XKR6: variants seen among roughly 807,000 people sequenced by gnomAD.
XKR6 encodes the protein XK related 6.
In XKR6, 22 loss-of-function variants were observed where a neutral mutation model predicts 56.7. That is an observed-to-expected ratio of 0.39 (90% confidence interval 0.28 to 0.55). The LOEUF (loss-of-function observed/expected upper bound fraction) is 0.55. XKR6 is among the 20% of genes least tolerant of loss of function. XKR6 has a pLI of 0.66. For missense variants in XKR6, 852 were observed against 889.0 expected, an observed-to-expected ratio of 0.96 and a Z score of 0.53; for synonymous variants, 524 against 387.8, an observed-to-expected ratio of 1.35 and a Z score of -4.13.
chr8:11,161,743 ACTTT>A (rs1441782607), intron 1 of XKR6, among the ~76,000 whole-genome samples: 1 of 152,148 alleles, frequency 6.6e-6, no homozygotes, highest in African/African-American at 2.4e-5. Context: ...TATCACAGAA[ACTTT>A]CTTATTATTG....
intron 1 of XKR6, among the ~76,000 whole-genome samples, chr8:11,133,146 G>C (rs922141902): frequency 1.3e-5 from 2 of 152,116 alleles, no homozygotes; most frequent in African/African-American, 4.8e-5. Flanking sequence ...GTGGGTACGA[G>C]GAATTGAAAC....
At chr8:11,150,324 C>T (rs907476806) in intron 1 of XKR6, among the ~76,000 whole-genome samples, 1 of 152,136 alleles carries the variant, frequency 6.6e-6, no homozygotes, top group Non-Finnish European at 1.5e-5. Flanking sequence ...ATCCATGTAA[C>T]AAAACACCAC....
chr8:11,138,043 G>A (rs529005590), intron 1 of XKR6: 2 of 233,214 alleles, frequency 8.6e-6, no homozygotes, highest in East Asian at 1.3e-4. Context: ...ATCCTCCATC[G>A]CTGTCTTCAA....
intron 1 of XKR6, among the ~76,000 whole-genome samples, chr8:10,988,284 C>G (rs1175885848): frequency 6.6e-6 from 1 of 152,214 alleles, no homozygotes; most frequent in Admixed American, 6.5e-5. Flanking sequence ...CTGCACCTAC[C>G]ACAGCATGTG....
intron 1 of XKR6, among the ~76,000 whole-genome samples, chr8:10,973,297 A>G (rs2129134526): frequency 6.6e-6 from 1 of 152,338 alleles, no homozygotes; most frequent in South Asian, 2.1e-4. Flanking sequence ...CCATTCCTCC[A>G]AGGTCAGTCA....
At chr8:11,018,983 G>GTTCAC (rs1798688620) in intron 1 of XKR6, among the ~76,000 whole-genome samples, 1 of 152,082 alleles carries the variant, frequency 6.6e-6, no homozygotes, top group African/African-American at 2.4e-5. Flanking sequence ...CTAGCTCCGT[G>GTTCAC]TTCACTTCCT....
rs977819844 is a variant in XKR6, at chr8:11,201,633, G to A, written c.-294C>T. On this transcript the variant is annotated 5_prime_UTR_variant, in exon 1 of 3. Coordinates refer to ENST00000416569, the MANE Select transcript of XKR6 (RefSeq NM_173683.4). ...TCAGCTGCTGGGCGGGGGACCGGGG[G>A]GTTCTCCCCGCCAGGGCTCCCCTTC... is the stretch of plus-strand genomic sequence containing the variant. 1.3e-5 allele frequency among the ~76,000 whole-genome samples: 2 copies of A among 151,766 alleles called. No individual in the cohort carries two copies. The highest frequency in any genetic ancestry group is 2.9e-5 in the Non-Finnish European group (2 of 67,880).
chr8:10,976,792 TCTCA>T (rs1802579131), intron 1 of XKR6, among the ~76,000 whole-genome samples: 1 of 151,814 alleles, frequency 6.6e-6, no homozygotes. Flanking sequence ...TCTCTCTCTC[TCTCA>T]GAGCAGGCTA....
intron 1 of XKR6, among the ~76,000 whole-genome samples, chr8:11,059,832 A>G (rs1799786621): frequency 1.3e-5 from 2 of 152,058 alleles, no homozygotes. Flanking sequence ...TCCAGGATCC[A>G]GGAGTGTTCA....
intron 1 of XKR6, among the ~76,000 whole-genome samples, chr8:10,986,359 C>G (rs1168989612): frequency 6.6e-6 from 1 of 152,166 alleles, no homozygotes; most frequent in Non-Finnish European, 1.5e-5. Flanking sequence ...ATAATCTCAT[C>G]ATGTAGACAG....
chr8:11,045,475 T>A (rs1351212726), intron 1 of XKR6, among the ~76,000 whole-genome samples: 1 of 152,224 alleles, frequency 6.6e-6, no homozygotes, highest in Non-Finnish European at 1.5e-5. Flanking sequence ...GCTATCACCA[T>A]CTAGGTTCCT....
chr8:11,082,916 T>A (rs184128884), intron 1 of XKR6, among the ~76,000 whole-genome samples: 162 of 152,316 alleles, frequency 1.1e-3, no homozygotes, highest in Non-Finnish European at 1.4e-3. Context: ...TATTTCTATT[T>A]CTGTATTTAT....
At position 11,201,516 on chromosome 8, in the gene XKR6, T is replaced by C. The variant is rs936610354; in HGVS notation, c.-177A>G. ...GGGAACCCCCTCCGCTTCCGGGTAG[T>C]TGGCGTCACTTCCGGGCGAGCCCCC... On this transcript the variant is annotated 5_prime_UTR_variant, in exon 1 of 3. Coordinates refer to ENST00000416569, the MANE Select transcript of XKR6 (RefSeq NM_173683.4). The C allele has an allele frequency of 3.6e-6, 2 of 559,098 alleles. No homozygotes were observed. The highest frequency in any genetic ancestry group is 6.3e-6 in the Non-Finnish European group (2 of 319,704). The allele number at this position is 559,098 out of a possible 1,614,324, so 34.6% of individuals were successfully genotyped here. A position where few individuals can be genotyped will look rare whatever the true frequency, so the allele number is the denominator to read the frequency against.
chr8:11,054,444 G>A (rs1047139836), intron 1 of XKR6, among the ~76,000 whole-genome samples: 3 of 152,248 alleles, frequency 2.0e-5, no homozygotes, highest in Non-Finnish European at 4.4e-5. Flanking sequence ...AATATGCAAT[G>A]TCCTGGGGAG....
chr8:11,083,872 G>A lies in XKR6; in HGVS notation c.764+116704C>T, dbSNP rs115730390. 3.6e-3 allele frequency among the ~76,000 whole-genome samples: 544 copies of A among 152,134 alleles called. 5 individuals are homozygous for A. The highest frequency in any genetic ancestry group is 0.012 in the African/African-American group (513 of 41,510). On this transcript the variant is annotated intron_variant, in intron 1 of 2. Transcript: ENST00000416569. ...ATTACATGTTTTAAATTTTTGCAAG[G>A]AAATGCAGAAATGAATAAAGTTCTT... is the stretch of plus-strand genomic sequence containing the variant.
chr8:10,990,965 C>G (rs372467592), intron 1 of XKR6, among the ~76,000 whole-genome samples: 29 of 136,506 alleles, frequency 2.1e-4, no homozygotes, highest in African/African-American at 8.4e-4. Flanking sequence ...TGCAATGGCA[C>G]GATCTCAGCT....
intron 1 of XKR6, among the ~76,000 whole-genome samples, chr8:11,017,259 G>T (rs564264353): frequency 5.3e-5 from 8 of 152,226 alleles, no homozygotes; most frequent in African/African-American, 1.9e-4. Flanking sequence ...ATGGATATGC[G>T]TATAGATATA....
chr8:11,182,076 G>C (rs1803016363), intron 1 of XKR6, among the ~76,000 whole-genome samples: 1 of 152,216 alleles, frequency 6.6e-6, no homozygotes, highest in African/African-American at 2.4e-5. Context: ...ACCACGCCCA[G>C]TTTGTTCCTC....
At chr8:10,924,893 T>C in intron 1 of XKR6, 63 bp from the exon 2 acceptor site, 1 of 1,518,354 alleles carries the variant, frequency 6.6e-7, no homozygotes, top group Non-Finnish European at 8.9e-7. Flanking sequence ...CAGAGGACCC[T>C]TGCCATCCCC....
Sources: allele counts gnomAD v4.1 joint callset (sites outside exome capture counted in the v4.1 genomes callset), GRCh38; gene constraint gnomAD v4.1.1; transcripts MANE v1.5; gene names NCBI Gene and HGNC (gene_info 2026-07-23, HGNC 2026-07-21).